PDXDC1: variants seen among roughly 807,000 people sequenced by gnomAD.
The protein encoded by PDXDC1 is pyridoxal dependent decarboxylase domain containing 1, also known as pyridoxal-dependent decarboxylase domain-containing protein 1.
In PDXDC1, 42 loss-of-function variants were observed where a neutral mutation model predicts 100.1. The observed-to-expected ratio is 0.42, with a 90% CI of 0.33 to 0.54. The LOEUF is 0.54. Among genes scored for constraint, PDXDC1 ranks in the 20% least tolerant of loss-of-function variants. The probability of loss-of-function intolerance (pLI) is 0.10; values close to 1 mark genes in which losing one functional copy is unlikely to be tolerated. For missense variants in PDXDC1, 636 were observed against 979.2 expected (o/e 0.65, Z 4.68); for synonymous variants, 260 against 371.7 (o/e 0.70, Z 3.46).
chr16:15,105,056 TAAA>T (rs2046746273), intron 16 of PDXDC1, among the ~76,000 whole-genome samples: 1 of 135,842 alleles, frequency 7.4e-6, no homozygotes, highest in Non-Finnish European at 1.6e-5. Context: ...AACAGAGTAA[TAAA>T]GAAGCATGTT....
chr16:15,059,782 GTC>G (rs956622508), intron 16 of PDXDC1, among the ~76,000 whole-genome samples: 2 of 152,136 alleles, frequency 1.3e-5, no homozygotes, highest in African/African-American at 4.8e-5. Flanking sequence ...TGAAAGAAGT[GTC>G]TGCTTCCCTT....
chr16:15,052,184 T>C (rs942936160), intron 16 of PDXDC1, among the ~76,000 whole-genome samples: 1 of 152,218 alleles, frequency 6.6e-6, no homozygotes, highest in South Asian at 2.1e-4. Context: ...TCTGCTGTTA[T>C]TATGAAGTGA....
chr16:15,099,872 A>G (rs1396629254), intron 16 of PDXDC1, among the ~76,000 whole-genome samples: 1 of 152,210 alleles, frequency 6.6e-6, no homozygotes. Flanking sequence ...CTTTCCTTAG[A>G]GATAAATTTT....
chr16:15,050,340 A>G (rs1298146847), intron 16 of PDXDC1, among the ~76,000 whole-genome samples: 1 of 152,210 alleles, frequency 6.6e-6, no homozygotes, highest in Non-Finnish European at 1.5e-5. Flanking sequence ...GTATGTATGT[A>G]TTGCCTACAC....
intron 16 of PDXDC1, chr16:15,068,367 T>A (rs1265504758): frequency 2.8e-6 from 4 of 1,449,758 alleles, no homozygotes; most frequent in Non-Finnish European, 3.7e-6. Flanking sequence ...ATCACACATT[T>A]AAAAAAAACT....
downstream of PDXDC1, among the ~76,000 whole-genome samples, chr16:15,143,534 G>T (rs1299368916): frequency 6.6e-6 from 1 of 152,196 alleles, no homozygotes; most frequent in Non-Finnish European, 1.5e-5. Context: ...GGTGTTCCCA[G>T]CCAGGCGCTG....
At chr16:15,062,238 C>G (rs1202608702) in intron 16 of PDXDC1, among the ~76,000 whole-genome samples, 1 of 152,166 alleles carries the variant, frequency 6.6e-6, no homozygotes, top group South Asian at 2.1e-4. Context: ...ACATTGTAAT[C>G]ATTTGTTTCA....
intron 16 of PDXDC1, chr16:15,131,013 G>A (rs2048025539): frequency 9.7e-7 from 1 of 1,034,990 alleles, no homozygotes; most frequent in Non-Finnish European, 1.5e-6. Context: ...GACACCCATG[G>A]AAGCCCTACG....
intron 16 of PDXDC1, among the ~76,000 whole-genome samples, chr16:15,093,668 G>C (rs1410519776): frequency 6.6e-6 from 1 of 152,216 alleles, no homozygotes; most frequent in Non-Finnish European, 1.5e-5. Flanking sequence ...TAAACGCCAA[G>C]AGTGCTACGG....
chr16:15,086,421 G>A (rs2045918988), intron 16 of PDXDC1: 4 of 1,613,472 alleles, frequency 2.5e-6, no homozygotes, highest in East Asian at 2.2e-5. Flanking sequence ...ATAGAAGAAC[G>A]GAATTCTAGC....
At chr16:14,976,497 T>G (rs901399319) in intron 1 of PDXDC1, among the ~76,000 whole-genome samples, 1 of 152,292 alleles carries the variant, frequency 6.6e-6, no homozygotes, top group African/African-American at 2.4e-5. Context: ...AATATGGTTT[T>G]CTTGTGCCAT....
In PDXDC1 at chr16:15,110,489, A is replaced by G. The variant is rs1598121473; in HGVS notation, c.1400-28390A>G. 1.3e-6 allele frequency: 2 copies of G among 1,587,414 alleles called. 1 individual carries two copies. Among genetic ancestry groups the G allele is most frequent in the Middle Eastern group, 4.5e-4 (2 of 4,434 alleles). On this transcript the variant is annotated intron_variant, in intron 16 of 16. Coordinates refer to the PDXDC1 transcript ENST00000535621. The stretch of plus-strand genomic sequence containing the variant: ...TTTTGTTGTCACCTTCATCTTACGG[A>G]TTTTAGCTCGAACCTTGGTTTCCAC...
chr16:15,095,316 C>T, intron 16 of PDXDC1, among the ~76,000 whole-genome samples: 1 of 152,086 alleles, frequency 6.6e-6, no homozygotes, highest in Non-Finnish European at 1.5e-5. Flanking sequence ...ACTTTGGAAA[C>T]TGTACAGGCC....
At chr16:15,048,061 T>C (rs773210343) in intron 16 of PDXDC1, 3 of 1,613,112 alleles carry the variant, frequency 1.9e-6, no homozygotes, top group Non-Finnish European at 2.5e-6. Flanking sequence ...GGGGTCCCAC[T>C]TGTTGAACAG....
intron 16 of PDXDC1, among the ~76,000 whole-genome samples, chr16:15,126,155 C>G (rs1404911717): frequency 1.3e-5 from 2 of 151,822 alleles, no homozygotes; most frequent in African/African-American, 4.8e-5. Flanking sequence ...CTGGCTCAGC[C>G]TCCTGAGTAG....
intron 16 of PDXDC1, chr16:15,044,518 G>T: frequency 1.3e-6 from 1 of 749,574 alleles, no homozygotes; most frequent in Non-Finnish European, 2.3e-6. Context: ...CTACAGCAGA[G>T]CTGCAGGTCA....
At chr16:15,062,391 T>A (rs1277117021) in intron 16 of PDXDC1, among the ~76,000 whole-genome samples, 2 of 152,250 alleles carry the variant, frequency 1.3e-5, no homozygotes, top group South Asian at 2.1e-4. Context: ...AAGAAAAAGA[T>A]GAAAGGGGCT....
chr16:14,998,589 C>T lies in PDXDC1; in HGVS notation c.161+184C>T, dbSNP rs527297446. ...TCAGCCTCCCGAGTAGCTGGGATTA[C>T]AGGCGTGCACCACCATATCTGGCTA... On this transcript the variant is annotated intron_variant, in intron 3 of 22. Coordinates refer to ENST00000396410, the MANE Select transcript of PDXDC1 (RefSeq NM_015027.4). Among the ~76,000 whole-genome samples the T allele has an allele frequency of 1.3e-4, 20 of 152,384 alleles. No homozygotes were observed. The South Asian group carries it at 4.1e-3, about 32-fold the overall frequency.
the PDXDC1 span, among the ~76,000 whole-genome samples, chr16:15,146,582 G>A: frequency 6.6e-6 from 1 of 152,118 alleles, no homozygotes; most frequent in Non-Finnish European, 1.5e-5. Flanking sequence ...CTACAGCCAC[G>A]CGGCCCTGCG....
Sources: gnomAD v4.1 joint callset for allele counts (sites outside exome capture counted in the v4.1 genomes callset) on GRCh38, gnomAD v4.1.1 for gene constraint, MANE v1.5 for transcripts, NCBI Gene and HGNC (gene_info 2026-07-23, HGNC 2026-07-21) for gene names.